ELOVL5: variants seen among roughly 807,000 people sequenced by gnomAD.
ELOVL5 encodes the protein very long chain fatty acid elongase 5.
A neutral mutation model predicts 38.6 loss-of-function variants in ELOVL5; 8 were observed. That is an observed-to-expected ratio of 0.21 (90% CI 0.12 to 0.37). The LOEUF is 0.37. Among genes scored for constraint, ELOVL5 ranks in the 10% least tolerant of loss-of-function variants. ELOVL5 has a pLI of 1.00. For synonymous variants in ELOVL5, 127 were observed against 133.7 expected (o/e 0.95, Z 0.34); for missense variants, 280 against 367.8 (o/e 0.76, Z 1.95).
At chr6:53,294,052 T>C (rs1251894520) in intron 2 of ELOVL5, 3 of 1,268,310 alleles carry the variant, frequency 2.4e-6, no homozygotes, top group Non-Finnish European at 3.1e-6. Flanking sequence ...TATGAACATA[T>C]ATATCACAAA....
At chr6:53,340,421 AG>A (rs942206690) in intron 1 of ELOVL5, among the ~76,000 whole-genome samples, 27 of 152,292 alleles carry the variant, frequency 1.8e-4, no homozygotes, top group African/African-American at 6.0e-4. Flanking sequence ...ATGTAGCCTA[AG>A]TATACAGTGT....
chr6:53,293,672 G>A (rs908547787), intron 2 of ELOVL5, among the ~76,000 whole-genome samples: 2 of 152,114 alleles, frequency 1.3e-5, no homozygotes, highest in Non-Finnish European at 2.9e-5. Flanking sequence ...CTCTCCAGTC[G>A]TTTTCACCTT....
chr6:53,283,962 A>C (rs1308424711), intron 3 of ELOVL5, among the ~76,000 whole-genome samples: 1 of 152,158 alleles, frequency 6.6e-6, no homozygotes, highest in Non-Finnish European at 1.5e-5. Context: ...AGCAAAGAAA[A>C]TCAGTAAACA....
intron 4 of ELOVL5, 39 bp from the exon 5 acceptor site, chr6:53,275,300 C>A: frequency 6.3e-7 from 1 of 1,596,238 alleles, no homozygotes; most frequent in Non-Finnish European, 8.6e-7. Flanking sequence ...CTTATCCTCA[C>A]GGCTTCTCTG....
intron 1 of ELOVL5, among the ~76,000 whole-genome samples, chr6:53,304,596 T>C (rs1349863461): frequency 6.6e-6 from 1 of 152,218 alleles, no homozygotes; most frequent in Non-Finnish European, 1.5e-5. Flanking sequence ...TTTGTGTCCC[T>C]GGGTACTTGA....
chr6:53,339,525 C>T (rs997663010), intron 1 of ELOVL5, among the ~76,000 whole-genome samples: 1 of 152,160 alleles, frequency 6.6e-6, no homozygotes, highest in African/African-American at 2.4e-5. Context: ...AATATAGTCA[C>T]GCATCGCATA....
At chr6:53,328,940 T>A (rs536184067) in intron 1 of ELOVL5, among the ~76,000 whole-genome samples, 107 of 152,306 alleles carry the variant, frequency 7.0e-4, no homozygotes, top group African/African-American at 2.5e-3. Context: ...TGCTTTTAAA[T>A]ACTGTCCTGT....
intron 1 of ELOVL5, among the ~76,000 whole-genome samples, chr6:53,343,672 G>C (rs1289061720): frequency 2.6e-5 from 4 of 152,210 alleles, no homozygotes; most frequent in Non-Finnish European, 4.4e-5. Context: ...GCTCAGAGTT[G>C]ATTTTCTTCA....
chr6:53,267,980 A>C lies in ELOVL5; in HGVS notation c.*1147T>G, dbSNP rs1765797385. 6.6e-6 allele frequency: 1 copy of C among 152,224 alleles called. No individual in the cohort carries two copies. Among genetic ancestry groups the C allele is most frequent in the African/African-American group, 2.4e-5 (1 of 41,456 alleles). The allele number at this position is 152,224 out of a possible 1,614,324, so 9.4% of individuals were successfully genotyped here. ...TAGATTCTAAGCAGAAAGAAATTAC[A>C]AGTACTATTAGATTTACATTAAACA... On this transcript the variant is annotated 3_prime_UTR_variant, in exon 8 of 8. Coordinates refer to ENST00000304434, the MANE Select transcript of ELOVL5 (RefSeq NM_021814.5).
intron 3 of ELOVL5, among the ~76,000 whole-genome samples, chr6:53,282,486 CT>C (rs1296258451): frequency 1.3e-5 from 2 of 152,240 alleles, no homozygotes; most frequent in African/African-American, 4.8e-5. Context: ...GATGTTTGAG[CT>C]GCATCCTTCT....
rs1322806109 is a variant in ELOVL5, at chr6:53,346,611, A to T, written c.-9+2206T>A. ...CAAAGAGGAGGAATTAAAAAAAAAA[A>T]TTACAAAATCTTTTAGGAGAGAAGA... is the stretch of plus-strand genomic sequence containing the variant. On this transcript the variant is annotated intron_variant, in intron 1 of 7. Coordinates refer to ENST00000304434, the MANE Select transcript of ELOVL5 (RefSeq NM_021814.5). Among the ~76,000 whole-genome samples the T allele has an allele frequency of 2.6e-5, 4 of 152,170 alleles. No homozygotes were observed. The East Asian group carries it at 7.7e-4, about 29-fold the overall frequency.
At position 53,269,058 on chromosome 6, in the gene ELOVL5, C is replaced by G. The variant is rs1765829830; in HGVS notation, c.*69G>C. ...ACTAGTTACAGCAGCTGTTAACGAG[C>G]ATTGGGGCACAACTCATATTGTGCT... On this transcript the variant is annotated 3_prime_UTR_variant, in exon 8 of 8. Transcript: ENST00000304434. 6.4e-7 allele frequency: 1 copy of G among 1,554,420 alleles called. No individual in the cohort carries two copies. The highest frequency in any genetic ancestry group is 8.7e-7 in the Non-Finnish European group (1 of 1,143,936).
chr6:53,306,732 T>C (rs911788046), intron 1 of ELOVL5, among the ~76,000 whole-genome samples: 1 of 152,304 alleles, frequency 6.6e-6, no homozygotes, highest in Non-Finnish European at 1.5e-5. Context: ...AAATTACTCT[T>C]GTAGAGTTTT....
intron 1 of ELOVL5, among the ~76,000 whole-genome samples, chr6:53,329,209 ACTGCT>A (rs1164034737): frequency 2.0e-5 from 3 of 152,200 alleles, no homozygotes. Flanking sequence ...TGCTACTGCT[ACTGCT>A]ACTGCTACTA....
intron 6 of ELOVL5, among the ~76,000 whole-genome samples, chr6:53,271,003 T>A (rs185753563): frequency 1.3e-5 from 2 of 152,198 alleles, no homozygotes; most frequent in African/African-American, 4.8e-5. Flanking sequence ...TCCAAGACTT[T>A]TTGTTTTTAT....
intron 1 of ELOVL5, among the ~76,000 whole-genome samples, chr6:53,305,119 T>A: frequency 8.5e-6 from 1 of 117,136 alleles, no homozygotes; most frequent in Non-Finnish European, 1.7e-5. Context: ...CCCCCCCACC[T>A]CCCTCCCAGA....
At chr6:53,335,326 C>CAGA (rs1337942177) in intron 1 of ELOVL5, among the ~76,000 whole-genome samples, 2 of 152,224 alleles carry the variant, frequency 1.3e-5, no homozygotes, top group Non-Finnish European at 2.9e-5. Context: ...CCCATGTGAT[C>CAGA]AGAACCCTGT....
intron 1 of ELOVL5, among the ~76,000 whole-genome samples, chr6:53,307,381 T>C (rs1412343743): frequency 6.6e-6 from 1 of 152,206 alleles, no homozygotes; most frequent in Non-Finnish European, 1.5e-5. Flanking sequence ...TATTAGACTG[T>C]AAAATGAGGG....
rs115692381 is a variant in ELOVL5, at chr6:53,342,364, T to G, written c.-9+6453A>C. On this transcript the variant is annotated intron_variant, in intron 1 of 7. Transcript: ENST00000304434. Reference sequence around the variant, plus strand: ...GAAGGAGAAATTCATAACACTCACTTTGTTGTAGCATTTGCTGTGCCAAGA... The same window carrying G: ...GAAGGAGAAATTCATAACACTCACTGTGTTGTAGCATTTGCTGTGCCAAGA... 3.9e-3 allele frequency among the ~76,000 whole-genome samples: 601 copies of G among 152,316 alleles called. 7 individuals are homozygous for G. Among genetic ancestry groups the G allele is most frequent in the African/African-American group, 0.014 (581 of 41,548 alleles).
Sources: allele counts gnomAD v4.1 joint callset (sites outside exome capture counted in the v4.1 genomes callset), GRCh38; gene constraint gnomAD v4.1.1; transcripts MANE v1.5; gene names NCBI Gene and HGNC (gene_info 2026-07-23, HGNC 2026-07-21).